The following PELI2 variants were observed in gnomAD, a reference collection of about 807,000 sequenced individuals.
PELI2 encodes pellino E3 ubiquitin protein ligase family member 2.
PELI2 carries 23 observed loss-of-function variants against 42.3 expected under a neutral mutation model. That is an observed-to-expected ratio of 0.54 (90% CI 0.39 to 0.77). The LOEUF (loss-of-function observed/expected upper bound fraction) is 0.77. PELI2 is among the 30% of genes least tolerant of loss of function. The pLI, the probability that PELI2 is intolerant of heterozygous loss-of-function variation, is 0.00. For synonymous variants in PELI2, 245 were observed against 212.2 expected (o/e 1.15, Z -1.34); for missense variants, 463 against 553.2 (o/e 0.84, Z 1.64).
chr14:56,263,234 T>C (rs1193986484), intron 2 of PELI2, among the ~76,000 whole-genome samples: 3 of 152,196 alleles, frequency 2.0e-5, no homozygotes, highest in Non-Finnish European at 4.4e-5. Context: ...GTGCTGGGAT[T>C]ACAGGCATGA....
At chr14:56,218,307 A>G (rs536392726) in intron 2 of PELI2, among the ~76,000 whole-genome samples, 7 of 152,380 alleles carry the variant, frequency 4.6e-5, no homozygotes, top group East Asian at 3.9e-4. Flanking sequence ...CTGATGTTCA[A>G]TTAAGCAGAC....
At chr14:56,276,665 C>A (rs1169523484) in intron 2 of PELI2, among the ~76,000 whole-genome samples, 2 of 152,188 alleles carry the variant, frequency 1.3e-5, no homozygotes, top group East Asian at 1.9e-4. Context: ...TTTGTTTCTG[C>A]CTGCAGTCTC....
intron 2 of PELI2, among the ~76,000 whole-genome samples, chr14:56,209,725 A>G (rs1347284282): frequency 2.0e-5 from 3 of 152,328 alleles, no homozygotes; most frequent in South Asian, 2.1e-4. Context: ...CGCATTTGAG[A>G]ACCAATGATT....
chr14:56,258,660 A>G (rs1341885467), intron 2 of PELI2, among the ~76,000 whole-genome samples: 1 of 152,152 alleles, frequency 6.6e-6, no homozygotes, highest in Non-Finnish European at 1.5e-5. Flanking sequence ...AGGTATTGCA[A>G]TAGGAAGTTC....
chr14:56,201,858 G>C (rs1178853915), intron 2 of PELI2, among the ~76,000 whole-genome samples: 1 of 152,102 alleles, frequency 6.6e-6, no homozygotes, highest in East Asian at 1.9e-4. Flanking sequence ...GTTAAAATAG[G>C]CTTCTTAACC....
At chr14:56,134,309 C>A (rs1265866405) in intron 1 of PELI2, among the ~76,000 whole-genome samples, 1 of 152,166 alleles carries the variant, frequency 6.6e-6, no homozygotes, top group East Asian at 1.9e-4. Flanking sequence ...CCAGAAAAAT[C>A]AACAAACTGA....
chr14:56,228,166 G>A (rs1887429353), intron 2 of PELI2, among the ~76,000 whole-genome samples: 1 of 152,234 alleles, frequency 6.6e-6, no homozygotes, highest in Non-Finnish European at 1.5e-5. Flanking sequence ...CAATAGCCAT[G>A]TATAAAAGAC....
intron 1 of PELI2, among the ~76,000 whole-genome samples, chr14:56,169,295 C>T (rs895954730): frequency 5.3e-5 from 8 of 152,162 alleles, no homozygotes; most frequent in Admixed American, 3.3e-4. Context: ...CTTCTGGCCT[C>T]GACTGCCCTC....
rs1346945683 is a variant in PELI2, at chr14:56,273,168, A to G, written c.208-6508A>G. Reference sequence around the variant, plus strand: ...CTCTCACAGAGGCTTCTCCATGCACATGTCTGCATCTTGGTGCTCCCAGGC... The same window carrying G: ...CTCTCACAGAGGCTTCTCCATGCACGTGTCTGCATCTTGGTGCTCCCAGGC... On this transcript the variant is annotated intron_variant, in intron 2 of 5. Coordinates refer to ENST00000267460, the MANE Select transcript of PELI2 (RefSeq NM_021255.3). This position sits in a 1 kb window ranked among gnomAD's most constrained non-coding sequence, Gnocchi z 4.3. Among the ~76,000 whole-genome samples the G allele has an allele frequency of 6.6e-6, 1 of 152,188 alleles. No individual in the cohort carries two copies. Among genetic ancestry groups the G allele is most frequent in the African/African-American group, 2.4e-5 (1 of 41,438 alleles).
chr14:56,145,341 C>T (rs1884074803), intron 1 of PELI2, among the ~76,000 whole-genome samples: 1 of 152,206 alleles, frequency 6.6e-6, no homozygotes, highest in Non-Finnish European at 1.5e-5. Context: ...CACCAGGCCC[C>T]ACCTCCAACA....
intron 2 of PELI2, among the ~76,000 whole-genome samples, chr14:56,199,961 C>G (rs1886274084): frequency 6.6e-6 from 1 of 152,208 alleles, no homozygotes; most frequent in Admixed American, 6.5e-5. Context: ...GATGGCAACG[C>G]TAGGTGTATT....
intron 1 of PELI2, among the ~76,000 whole-genome samples, chr14:56,120,056 C>G (rs1365546358): frequency 6.6e-6 from 1 of 152,136 alleles, no homozygotes; most frequent in African/African-American, 2.4e-5. Flanking sequence ...GTTGCTAGTG[C>G]ATTAAGTGGG....
rs758570576 is a variant in PELI2 at position 56,296,791 on chromosome 14, C to G, written c.888C>G (p.Ile296Met). 1 of 1,614,102 alleles carries G rather than the reference C, an allele frequency of 6.2e-7. No individual in the cohort carries two copies. Among genetic ancestry groups the G allele is most frequent in the Non-Finnish European group, 8.5e-7 (1 of 1,180,016 alleles). Residue 296 changes from isoleucine (I) to methionine (M), a missense_variant, in exon 6 of 6, where the codon ATC (isoleucine) becomes ATG (methionine). This residue lies in a region of PELI2 where 17 missense variants were observed against 45.3 expected (regional missense o/e 0.38). Coordinates refer to ENST00000267460, the MANE Select transcript of PELI2 (RefSeq NM_021255.3). ...TCAACACCCTGGCCTTCCCCAGCAT[C>G]AACAGGAAAGAGGTGGTGGAGGAGA... is the stretch of plus-strand genomic sequence containing the variant. Reference protein sequence around the residue: ...VGLNTLAFPSINRKEVVEEKQ... With the variant: ...VGLNTLAFPSMNRKEVVEEKQ...
intron 2 of PELI2, among the ~76,000 whole-genome samples, chr14:56,213,239 T>C (rs1379832858): frequency 6.6e-6 from 1 of 152,240 alleles, no homozygotes; most frequent in Non-Finnish European, 1.5e-5. Flanking sequence ...GGTAATGATA[T>C]CTTTTCTCCT....
chr14:56,194,059 C>CT (rs1349017894), intron 2 of PELI2, among the ~76,000 whole-genome samples: 3 of 152,174 alleles, frequency 2.0e-5, no homozygotes, highest in South Asian at 4.1e-4. Context: ...CAACGTTGTT[C>CT]TTTTTTTAAA....
chr14:56,282,891 A>G (rs1281900783), intron 3 of PELI2, among the ~76,000 whole-genome samples: 3 of 152,140 alleles, frequency 2.0e-5, no homozygotes, highest in Admixed American at 6.5e-5. Context: ...TTACAGTAGC[A>G]GTGAAGATTT....
chr14:56,202,001 A>G (rs975881997), intron 2 of PELI2, among the ~76,000 whole-genome samples: 13 of 152,180 alleles, frequency 8.5e-5, no homozygotes, highest in African/African-American at 3.1e-4. Context: ...GATGAGGTAA[A>G]TTCTATTGCC....
At chr14:56,151,943 C>T (rs922837032) in intron 1 of PELI2, among the ~76,000 whole-genome samples, 1 of 152,140 alleles carries the variant, frequency 6.6e-6, no homozygotes, top group Non-Finnish European at 1.5e-5. Flanking sequence ...GTTGAGCAGT[C>T]CAAGGCTGCT....
chr14:56,282,597 T>C lies in PELI2; in HGVS notation c.309+2820T>C, dbSNP rs187254041. 4.6e-5 allele frequency among the ~76,000 whole-genome samples: 7 copies of C among 152,030 alleles called. No individual in the cohort carries two copies. In the East Asian group the frequency reaches 1.2e-3, roughly 25 times the overall value. On this transcript the variant is annotated intron_variant, in intron 3 of 5. Coordinates refer to ENST00000267460, the MANE Select transcript of PELI2 (RefSeq NM_021255.3). ...TGTTAGATATTTAAAAACTAAATAATCTTAGATAAAATATATAGTCATATT... is the reference window on the plus strand; with the variant it reads ...TGTTAGATATTTAAAAACTAAATAACCTTAGATAAAATATATAGTCATATT...
Sources: allele counts gnomAD v4.1 joint callset (sites outside exome capture counted in the v4.1 genomes callset), GRCh38; gene constraint gnomAD v4.1.1; regional missense constraint gnomAD v4.1.1; non-coding constraint Gnocchi (gnomAD v3.1); transcripts MANE v1.5; gene names NCBI Gene and HGNC (gene_info 2026-07-23, HGNC 2026-07-21).